Variants in AFF3 observed in about 807,000 individuals in gnomAD.
The protein encoded by AFF3 is AF4/FMR2 family member 3.
A neutral mutation model predicts 129.7 loss-of-function variants in AFF3; 32 were observed. The observed-to-expected ratio is 0.25, with a 90% CI of 0.19 to 0.33. AFF3 has a LOEUF of 0.33. Among genes scored for constraint, AFF3 ranks in the 10% least tolerant of loss-of-function variants. AFF3 has a pLI of 1.00. For missense variants in AFF3, 1,373 were observed against 1,592.0 expected (o/e 0.86, Z 2.34); for synonymous variants, 644 against 635.4 (o/e 1.01, Z -0.20).
chr2:99,870,122 C>T (rs1576235340), intron 7 of AFF3, among the ~76,000 whole-genome samples: 2 of 152,214 alleles, frequency 1.3e-5, no homozygotes, highest in East Asian at 3.9e-4. Flanking sequence ...CAGAGCTTGG[C>T]AGATTCTGAT....
At chr2:99,687,272 G>A (rs1388186803) in intron 11 of AFF3, among the ~76,000 whole-genome samples, 1 of 152,236 alleles carries the variant, frequency 6.6e-6, no homozygotes, top group African/African-American at 2.4e-5. Context: ...ATAGTAAATA[G>A]CTAAATATTC....
At chr2:100,005,197 T>G (rs1454435188) in intron 7 of AFF3, among the ~76,000 whole-genome samples, 1 of 152,230 alleles carries the variant, frequency 6.6e-6, no homozygotes, top group Non-Finnish European at 1.5e-5. Context: ...TCATAAAAAC[T>G]GCACAGTTAT....
chr2:99,932,100 C>T (rs1324426663), intron 7 of AFF3, among the ~76,000 whole-genome samples: 1 of 152,202 alleles, frequency 6.6e-6, no homozygotes, highest in Non-Finnish European at 1.5e-5. Flanking sequence ...TGGTATAGAT[C>T]AAGCTTGTCC....
intron 8 of AFF3, among the ~76,000 whole-genome samples, chr2:99,760,017 T>A (rs1232332479): frequency 2.0e-5 from 3 of 152,182 alleles, no homozygotes; most frequent in Non-Finnish European, 1.5e-5. Context: ...GGTTTAGTCA[T>A]AAAGATTAAA....
At chr2:99,602,069 T>C (rs1053543938) in intron 13 of AFF3, among the ~76,000 whole-genome samples, 7 of 152,184 alleles carry the variant, frequency 4.6e-5, no homozygotes, top group Non-Finnish European at 8.8e-5. Flanking sequence ...AAATGCAGCA[T>C]GATGGCAGGG....
intron 7 of AFF3, among the ~76,000 whole-genome samples, chr2:99,849,996 T>G (rs1690029903): frequency 1.3e-5 from 2 of 152,248 alleles, no homozygotes; most frequent in African/African-American, 4.8e-5. Flanking sequence ...TCATGGAGTT[T>G]ATATTGTAAT....
At chr2:99,791,291 G>A (rs929383998) in intron 8 of AFF3, among the ~76,000 whole-genome samples, 2 of 152,202 alleles carry the variant, frequency 1.3e-5, no homozygotes, top group East Asian at 1.9e-4. Context: ...CAAAATCTAC[G>A]GATGCTTATA....
At chr2:99,888,372 C>T (rs1320571364) in intron 7 of AFF3, among the ~76,000 whole-genome samples, 1 of 152,168 alleles carries the variant, frequency 6.6e-6, no homozygotes. Context: ...AATGTTTGAA[C>T]TTTGTCATTT....
intron 21 of AFF3, among the ~76,000 whole-genome samples, 197 bp from the exon 22 acceptor site, chr2:99,559,165 G>C (rs554553045): frequency 2.6e-5 from 4 of 152,314 alleles, no homozygotes; most frequent in African/African-American, 9.6e-5. Flanking sequence ...TTCCAAGAAG[G>C]TATTCCATAA....
chr2:99,933,010 G>A (rs1674178880), intron 7 of AFF3, among the ~76,000 whole-genome samples: 2 of 152,134 alleles, frequency 1.3e-5, no homozygotes, highest in Admixed American at 1.3e-4. Context: ...AGGCAAACTG[G>A]ATTCAGTTTT....
intron 4 of AFF3, among the ~76,000 whole-genome samples, chr2:100,070,856 A>AT (rs1249299579): frequency 4.9e-5 from 6 of 122,930 alleles, no homozygotes; most frequent in African/African-American, 1.4e-4. Context: ...CCCTGAAGAC[A>AT]TTTTTTTCAC....
chr2:99,842,011 T>C (rs1689349891), intron 7 of AFF3, among the ~76,000 whole-genome samples: 1 of 151,956 alleles, frequency 6.6e-6, no homozygotes, highest in African/African-American at 2.4e-5. Flanking sequence ...TCTCCAACAC[T>C]ACACGTGTAG....
At chr2:99,591,117 T>C (rs1351300008) in intron 15 of AFF3, among the ~76,000 whole-genome samples, 1 of 152,140 alleles carries the variant, frequency 6.6e-6, no homozygotes, top group South Asian at 2.1e-4. Context: ...TTCTACTTTA[T>C]AGGGATAAAT....
intron 8 of AFF3, among the ~76,000 whole-genome samples, chr2:99,796,339 A>G (rs190190804): frequency 1.3e-5 from 2 of 152,330 alleles, no homozygotes; most frequent in Non-Finnish European, 2.9e-5. Context: ...AAACTCTTCA[A>G]TTTATTACAT....
chr2:99,671,836 C>T (rs769644618), intron 12 of AFF3, among the ~76,000 whole-genome samples: 5 of 152,088 alleles, frequency 3.3e-5, no homozygotes, highest in African/African-American at 1.2e-4. Flanking sequence ...GAAATACAAA[C>T]ATTTCTTGAA....
At chr2:99,899,743 C>G (rs1694216762) in intron 7 of AFF3, among the ~76,000 whole-genome samples, 1 of 152,186 alleles carries the variant, frequency 6.6e-6, no homozygotes, top group Non-Finnish European at 1.5e-5. Context: ...AGGTCAAAGT[C>G]TGAGCCACAT....
intron 4 of AFF3, among the ~76,000 whole-genome samples, chr2:100,050,579 T>C (rs141306708): frequency 6.6e-6 from 1 of 152,324 alleles, no homozygotes; most frequent in Non-Finnish European, 1.5e-5. Flanking sequence ...AAGATGTAAC[T>C]GCAGAGTGTG....
chr2:99,935,363 T>C (rs371957332), intron 7 of AFF3, among the ~76,000 whole-genome samples: 14 of 152,254 alleles, frequency 9.2e-5, no homozygotes, highest in African/African-American at 3.1e-4. Flanking sequence ...TTACCTATAG[T>C]CATTATTCTC....
chr2:99,837,859 C>T (rs895614943), intron 7 of AFF3, among the ~76,000 whole-genome samples: 13 of 152,108 alleles, frequency 8.5e-5, no homozygotes, highest in Admixed American at 5.9e-4. Flanking sequence ...GTGCCATTAA[C>T]GTGTGGAAAC....
Sources: allele counts gnomAD v4.1 joint callset (sites outside exome capture counted in the v4.1 genomes callset), GRCh38; gene constraint gnomAD v4.1.1; transcripts MANE v1.5; gene names NCBI Gene and HGNC (gene_info 2026-07-23, HGNC 2026-07-21).